Variants in ATP12A observed in about 807,000 individuals in gnomAD.
ATP12A encodes the protein potassium-transporting ATPase alpha chain 2.
Under a neutral mutation model 111.2 loss-of-function variants are expected in ATP12A, and 81 were observed. The observed-to-expected ratio is 0.73, with a 90% CI of 0.61 to 0.88. The LOEUF is 0.88. Among genes scored for constraint, ATP12A ranks in the 40% least tolerant of loss-of-function variants. The probability of loss-of-function intolerance (pLI) is 0.00; values close to 1 mark genes in which losing one functional copy is unlikely to be tolerated. For missense variants in ATP12A, 1,196 were observed against 1,313.1 expected, an observed-to-expected ratio of 0.91 and a Z score of 1.38; for synonymous variants, 498 against 499.8, an observed-to-expected ratio of 1.00 and a Z score of 0.05.
intron 17 of ATP12A, 122 bp downstream of exon 17, chr13:24,707,555 G>A: frequency 7.6e-7 from 1 of 1,309,928 alleles, no homozygotes; most frequent in African/African-American, 1.5e-5. Context: ...ATGTGATGGG[G>A]CCTGTAGCTC....
At chr13:24,709,256 G>GCCCCCCCCCCCCCCCCC in intron 17 of ATP12A, 108 bp from the exon 18 acceptor site, 1 of 584,596 alleles carries the variant, frequency 1.7e-6, no homozygotes, top group Non-Finnish European at 2.8e-6. Context: ...CCAGCTCCAT[G>GCCCCCCCCCCCCCCCCC]CCCCCCACCC....
chr13:24,692,389 A>G, intron 8 of ATP12A, 40 bp from the exon 9 acceptor site: 1 of 1,597,006 alleles, frequency 6.3e-7, no homozygotes, highest in Non-Finnish European at 8.6e-7. Flanking sequence ...CTGAGTTCAA[A>G]TGAGGATTTT....
intron 11 of ATP12A, among the ~76,000 whole-genome samples, chr13:24,694,870 C>G (rs1875070782): frequency 6.6e-6 from 1 of 151,842 alleles, no homozygotes; most frequent in Non-Finnish European, 1.5e-5. Context: ...CTCACACACA[C>G]ACACACACAC....
intron 4 of ATP12A, 60 bp downstream of exon 4, chr13:24,688,582 G>A: frequency 6.9e-7 from 1 of 1,450,968 alleles, no homozygotes. Context: ...TGAGGCCTTG[G>A]GGGCACAGCT....
intron 5 of ATP12A, 127 bp downstream of exon 5, chr13:24,689,502 G>A (rs1367105381): frequency 4.0e-5 from 31 of 765,826 alleles, no homozygotes; most frequent in South Asian, 1.2e-4. Context: ...AATCGTGGGC[G>A]AATTAACCCA....
At position 24,711,732 on chromosome 13, in the gene ATP12A, A is replaced by C. The variant is rs1225735249; in HGVS notation, c.*210A>C. On this transcript the variant is annotated 3_prime_UTR_variant, in exon 23 of 23. Coordinates refer to ENST00000381946, the MANE Select transcript of ATP12A (RefSeq NM_001676.7). ...CTCTTTATATAGGATTTTCTTTTCT[A>C]TCTCCATCTCCTCATTAAAAAATAC... The C allele has an allele frequency of 4.8e-6, 3 of 622,728 alleles. No individual in the cohort carries two copies. Among genetic ancestry groups the C allele is most frequent in the Non-Finnish European group, 8.4e-6 (3 of 358,704 alleles). 38.6% of individuals were successfully genotyped at this position (622,728 alleles called of 1,614,324 possible).
chr13:24,692,925 A>G (rs754150188), intron 10 of ATP12A, 29 bp downstream of exon 10: 13 of 1,592,326 alleles, frequency 8.2e-6, no homozygotes, highest in Admixed American at 1.7e-5. Context: ...TTGGTCTTAA[A>G]TCACAGCCAG....
chr13:24,695,527 C>A (rs1955654686), intron 11 of ATP12A, among the ~76,000 whole-genome samples: 1 of 151,306 alleles, frequency 6.6e-6, no homozygotes, highest in African/African-American at 2.4e-5. Flanking sequence ...ATAACCACAA[C>A]TGTACGTGTG....
chr13:24,708,475 T>C (rs1287969332), intron 17 of ATP12A, among the ~76,000 whole-genome samples: 1 of 152,274 alleles, frequency 6.6e-6, no homozygotes, highest in South Asian at 2.1e-4. Flanking sequence ...TTGAGGGGTA[T>C]TGAGGTCCCC....
At position 24,711,673 on chromosome 13, in the gene ATP12A, C is replaced by T. The variant is rs17081086; in HGVS notation, c.*151C>T. On this transcript the variant is annotated 3_prime_UTR_variant, in exon 23 of 23. Transcript: ENST00000381946. ...TGCAGAAAGCTGTATGCAGGATGCT[C>T]ACTGATGTTTTGCACTTTAAAACTG... 95,192 of 1,036,684 alleles carry T rather than the reference C, an allele frequency of 0.092. 4,834 individuals carry two copies. The highest frequency in any genetic ancestry group is 0.14 in the South Asian group (8,562 of 62,372). 64.2% of individuals were successfully genotyped at this position (1,036,684 alleles called of 1,614,324 possible). A position where few individuals can be genotyped will look rare whatever the true frequency, so the allele number is the denominator to read the frequency against.
chr13:24,706,219 A>G (rs757338406), intron 14 of ATP12A, 94 bp from the exon 15 acceptor site: 61 of 1,516,964 alleles, frequency 4.0e-5, no homozygotes, highest in Non-Finnish European at 5.4e-5. Flanking sequence ...TTCCAGGTCA[A>G]GTCAGAGAGG....
At chr13:24,696,542 T>A (rs1875162613) in intron 11 of ATP12A, among the ~76,000 whole-genome samples, 1 of 114,066 alleles carries the variant, frequency 8.8e-6, no homozygotes, top group African/African-American at 3.2e-5. Context: ...CCGTCTCTAC[T>A]AAAAAAAAAA....
intron 14 of ATP12A, among the ~76,000 whole-genome samples, chr13:24,705,837 T>C (rs1875605933): frequency 6.6e-6 from 1 of 152,036 alleles, no homozygotes; most frequent in South Asian, 2.1e-4. Flanking sequence ...ACCTGGCTAA[T>C]TTTTTAAAAT....
At position 24,710,441 on chromosome 13, in the gene ATP12A, C is replaced by T. The variant is rs201910069; in HGVS notation, c.2764-19C>T. On this transcript the variant is annotated intron_variant, in intron 19 of 22. Coordinates refer to ENST00000381946, the MANE Select transcript of ATP12A (RefSeq NM_001676.7). Reference sequence around the variant, plus strand: ...TTCCTTTAGGCCTCAAGGTCTCTTCCTTCTCTGCCCATTAACAGACAAGGT... The same window carrying T: ...TTCCTTTAGGCCTCAAGGTCTCTTCTTTCTCTGCCCATTAACAGACAAGGT... 1.9e-6 allele frequency: 3 copies of T among 1,613,066 alleles called. No homozygotes were observed. The highest frequency in any genetic ancestry group is 1.3e-5 in the African/African-American group (1 of 74,962).
chr13:24,709,291 C>CCCCCCCCCCCCCCCCCCCCTGGGGGGGG, intron 17 of ATP12A, 73 bp from the exon 18 acceptor site: 1 of 844,520 alleles, frequency 1.2e-6, no homozygotes, highest in Non-Finnish European at 1.6e-6. Flanking sequence ...CCCACCCACC[C>CCCCCCCCCCCCCCCCCCCCTGGGGGGGG]CAGCCCCCCT....
chr13:24,694,849 A>ACT (rs746879140), intron 11 of ATP12A, among the ~76,000 whole-genome samples: 125 of 148,722 alleles, frequency 8.4e-4, no homozygotes, highest in African/African-American at 2.8e-3. Context: ...ACAGGCACAC[A>ACT]CTCTCTCTCT....
At chr13:24,700,465 A>T (rs973786980) in intron 12 of ATP12A, among the ~76,000 whole-genome samples, 3 of 152,226 alleles carry the variant, frequency 2.0e-5, no homozygotes, top group Admixed American at 1.3e-4. Flanking sequence ...GTGCCCCGCT[A>T]AACTTCAGAA....
At chr13:24,686,348 G>A (rs778826646) in intron 3 of ATP12A, among the ~76,000 whole-genome samples, 2 of 150,990 alleles carry the variant, frequency 1.3e-5, no homozygotes, top group Non-Finnish European at 2.9e-5. Flanking sequence ...GCTGAGGCAG[G>A]AGAATCTCTG....
At chr13:24,702,744 C>T (rs1875450157) in intron 14 of ATP12A, among the ~76,000 whole-genome samples, 1 of 152,174 alleles carries the variant, frequency 6.6e-6, no homozygotes, top group South Asian at 2.1e-4. Context: ...ACAATACTAT[C>T]CACACCGTTG....
Sources: gnomAD v4.1 joint callset for allele counts (sites outside exome capture counted in the v4.1 genomes callset) on GRCh38, gnomAD v4.1.1 for gene constraint, MANE v1.5 for transcripts, NCBI Gene and HGNC (gene_info 2026-07-23, HGNC 2026-07-21) for gene names.